The following ZNFX1 variants were observed in gnomAD, a reference collection of about 807,000 sequenced individuals.
The protein encoded by ZNFX1 is NFX1-type zinc finger-containing protein 1.
A neutral mutation model predicts 179.8 loss-of-function variants in ZNFX1; 78 were observed. The observed-to-expected ratio is 0.43, with a 90% CI of 0.36 to 0.52. The LOEUF is 0.52. Ranked by LOEUF, ZNFX1 falls within the 20% of genes least tolerant of loss-of-function variation. The probability of loss-of-function intolerance (pLI) is 0.00; values close to 1 mark genes in which losing one functional copy is unlikely to be tolerated. For missense variants in ZNFX1, 1,927 were observed against 2,386.6 expected, an observed-to-expected ratio of 0.81 and a Z score of 4.01; for synonymous variants, 848 against 868.5, an observed-to-expected ratio of 0.98 and a Z score of 0.42.
chr20:49,250,780 G>C (rs1980817124), intron 13 of ZNFX1, among the ~76,000 whole-genome samples: 1 of 152,116 alleles, frequency 6.6e-6, no homozygotes, highest in Non-Finnish European at 1.5e-5. Context: ...TCCAACTCCT[G>C]ACCTCAGGTG....
chr20:49,250,387 G>A (rs1387394650), intron 13 of ZNFX1, among the ~76,000 whole-genome samples: 2 of 152,202 alleles, frequency 1.3e-5, no homozygotes, highest in Non-Finnish European at 2.9e-5. Flanking sequence ...TGTGCTGACT[G>A]CTTTATATAC....
intron 3 of ZNFX1, among the ~76,000 whole-genome samples, chr20:49,268,806 A>C (rs1474653390): frequency 6.6e-6 from 1 of 152,224 alleles, no homozygotes; most frequent in African/African-American, 2.4e-5. Flanking sequence ...TCCATCTCAC[A>C]CTAGTCAGAA....
chr20:49,275,036 T>C (rs1426498460), intron 2 of ZNFX1, among the ~76,000 whole-genome samples: 1 of 150,734 alleles, frequency 6.6e-6, no homozygotes, highest in African/African-American at 2.4e-5. Context: ...GGCAGGAGAA[T>C]GGCGTGAACC....
At chr20:49,277,650 T>G in intron 1 of ZNFX1, among the ~76,000 whole-genome samples, 1 of 142,180 alleles carries the variant, frequency 7.0e-6, no homozygotes, top group Non-Finnish European at 1.5e-5. Context: ...CTAAAGAGAG[T>G]ACAGGGGAGC....
intron 1 of ZNFX1, among the ~76,000 whole-genome samples, chr20:49,276,719 T>C (rs1241531845): frequency 1.3e-5 from 2 of 152,162 alleles, no homozygotes; most frequent in African/African-American, 2.4e-5. Flanking sequence ...TTTGAGACTG[T>C]CTTCACTGAG....
At chr20:49,259,127 TAAA>T (rs1981053922) in intron 7 of ZNFX1, among the ~76,000 whole-genome samples, 1 of 73,564 alleles carries the variant, frequency 1.4e-5, no homozygotes, top group Non-Finnish European at 3.6e-5. Context: ...AATAAATAAA[TAAA>T]TAAATAAATA....
At chr20:49,265,129 C>T (rs929068407) in intron 4 of ZNFX1, among the ~76,000 whole-genome samples, 8 of 152,118 alleles carry the variant, frequency 5.3e-5, no homozygotes, top group African/African-American at 1.4e-4. Context: ...GCTGTGTAAC[C>T]TGGGGCAAGT....
Position 49,267,143 on chromosome 20 carries a change from G to A in ZNFX1, c.1871-877C>T, listed in dbSNP as rs150104439. On this transcript the variant is annotated intron_variant, in intron 3 of 13. Coordinates refer to ENST00000396105, the MANE Select transcript of ZNFX1 (RefSeq NM_021035.3). ...ATCTCTTGACCCTTGTGATCTGTCCGCCTTGGCCTCCCAAAGTGCTGGGAT... is the reference window on the plus strand; with the variant it reads ...ATCTCTTGACCCTTGTGATCTGTCCACCTTGGCCTCCCAAAGTGCTGGGAT... Among the ~76,000 whole-genome samples, 487 of 152,256 alleles carry A rather than the reference G, an allele frequency of 3.2e-3. 2 individuals are homozygous for A. The highest frequency in any genetic ancestry group is 4.7e-3 in the Admixed American group (72 of 15,300).
chr20:49,249,029 C>T lies in ZNFX1; in HGVS notation c.3995G>A (p.Arg1332Gln), dbSNP rs201368731. ...CTCCTGGAAGCAAACAAGGGGACAC[C>T]GGTGCCCTTCCTGACAGATGACCTT... The part of the protein sequence containing the change: ...CQKVICQEGH[R>Q]CPLVCFQECQ... The change falls in exon 14 of 14, where the codon CGG (arginine) becomes CAG (glutamine). Residue 1332 changes from arginine to glutamine, a missense_variant. Transcript: ENST00000396105. The T allele has an allele frequency of 3.7e-5, 60 of 1,614,232 alleles. No homozygotes were observed. In the East Asian group the frequency reaches 9.6e-4, roughly 26 times the overall value.
At position 49,253,656 on chromosome 20, in the gene ZNFX1, C is replaced by T. The variant is rs756708772; in HGVS notation, c.3105+10G>A. ...AGCCAGCCCATCTTCTAGGGGGACT[C>T]TCGTTTTACCTGCTGGTGGTCCCCA... On this transcript the variant is annotated intron_variant, in intron 11 of 13. Transcript: ENST00000396105. 1.9e-6 allele frequency: 3 copies of T among 1,613,884 alleles called. No individual in the cohort carries two copies. The Admixed American group carries it at 5.0e-5, about 27-fold the overall frequency.
intron 6 of ZNFX1, among the ~76,000 whole-genome samples, chr20:49,262,322 C>T (rs1466858431): frequency 1.3e-5 from 2 of 150,320 alleles, no homozygotes; most frequent in East Asian, 3.9e-4. Flanking sequence ...AAGAGAATCG[C>T]TTGAACCCGG....
rs1981545655 is a variant in ZNFX1 at position 49,275,898 on chromosome 20, T to TGAGTTATCAGTGTGCTA, written c.-48-12_-48-11insTAGCACACTGATAACTC. Reference sequence around the variant, plus strand: ...CTGTTATCTGGAAAACTGCACATGTTGAGTTATCAGTGTCCTCGAAACATA... The same window carrying TGAGTTATCAGTGTGCTA: ...CTGTTATCTGGAAAACTGCACATGTTGAGTTATCAGTGTGCTAGAGTTATCAGTGTCCTCGAAACATA... On this transcript the variant is annotated splice_polypyrimidine_tract_variant and intron_variant, in intron 1 of 13. Coordinates refer to ENST00000396105, the MANE Select transcript of ZNFX1 (RefSeq NM_021035.3). 2 of 1,585,042 alleles carry TGAGTTATCAGTGTGCTA rather than the reference T, an allele frequency of 1.3e-6. No homozygotes were observed. The highest frequency in any genetic ancestry group is 1.7e-6 in the Non-Finnish European group (2 of 1,153,780).
intron 8 of ZNFX1, 24 bp from the exon 9 acceptor site, chr20:49,255,971 G>A: frequency 1.9e-6 from 3 of 1,612,402 alleles, no homozygotes; most frequent in Non-Finnish European, 2.5e-6. Context: ...TACCAGGCAG[G>A]GTACTGTCTG....
chr20:49,256,401 T>A (rs1238162602), intron 8 of ZNFX1, among the ~76,000 whole-genome samples: 1 of 152,206 alleles, frequency 6.6e-6, no homozygotes, highest in East Asian at 1.9e-4. Flanking sequence ...ACTTTCTTGT[T>A]GAATGCTGTA....
At position 49,271,465 on chromosome 20, in the gene ZNFX1, C is replaced by G. The variant is rs751233949; in HGVS notation, c.347G>C (p.Arg116Thr). ...GAAGTTGTCATTGGACCATGGTGGT[C>G]TGCGGTTCCTACAGTCCTGGTTGCC... The part of the protein sequence containing the change: ...RNGNQDCRNR[R>T]PPWSNDNFQQ... The change falls in exon 3 of 14, where the codon AGA (arginine) becomes ACA (threonine). Residue 116 changes from arginine to threonine, a missense_variant. Physicochemically the swap from Arg to Thr is moderately conservative, Grantham distance 71. Transcript: ENST00000396105. 9 of 1,614,052 alleles carry G rather than the reference C, an allele frequency of 5.6e-6. No homozygotes were observed. The highest frequency in any genetic ancestry group is 1.7e-5 in the Admixed American group (1 of 59,998).
chr20:49,249,018 C>G lies in ZNFX1; in HGVS notation c.4006G>C (p.Val1336Leu), dbSNP rs757828431. Reference sequence around the variant, plus strand: ...CAAGGCTGACACTCCTGGAAGCAAACAAGGGGACACCGGTGCCCTTCCTGA... The same window carrying G: ...CAAGGCTGACACTCCTGGAAGCAAAGAAGGGGACACCGGTGCCCTTCCTGA... ...ICQEGHRCPL[V>L]CFQECQPCQV... Residue 1336 changes from valine (V) to leucine (L), a missense_variant, in exon 14 of 14, where the codon GTT becomes CTT. Coordinates refer to ENST00000396105, the MANE Select transcript of ZNFX1 (RefSeq NM_021035.3). 1.9e-6 allele frequency: 3 copies of G among 1,614,236 alleles called. No individual in the cohort carries two copies. The highest frequency in any genetic ancestry group is 4.5e-5 in the East Asian group (2 of 44,890).
At chr20:49,266,660 TC>T (rs1222207198) in intron 3 of ZNFX1, among the ~76,000 whole-genome samples, 13 of 92,844 alleles carry the variant, frequency 1.4e-4, no homozygotes, top group Middle Eastern at 5.4e-3. Context: ...GAGAATCCCA[TC>T]CCCCCCACCC....
chr20:49,268,412 A>G (rs1434434858), intron 3 of ZNFX1, among the ~76,000 whole-genome samples: 1 of 152,164 alleles, frequency 6.6e-6, no homozygotes, highest in Non-Finnish European at 1.5e-5. Context: ...ATGGGTTCCT[A>G]TTGGAAAATC....
At chr20:49,254,362 T>C (rs1980916690) in intron 10 of ZNFX1, 133 bp downstream of exon 10, 2 of 1,197,988 alleles carry the variant, frequency 1.7e-6, no homozygotes, top group Non-Finnish European at 2.4e-6. Flanking sequence ...TCTCAAAATA[T>C]GGGTGCTTTC....
Sources: gnomAD v4.1 joint callset for allele counts (sites outside exome capture counted in the v4.1 genomes callset) on GRCh38, gnomAD v4.1.1 for gene constraint, MANE v1.5 for transcripts, NCBI Gene and HGNC (gene_info 2026-07-23, HGNC 2026-07-21) for gene names.